ANO1: variants seen among roughly 807,000 people sequenced by gnomAD.
ANO1 encodes anoctamin 1.
ANO1 carries 59 observed loss-of-function variants against 124.0 expected under a neutral mutation model. The ratio of observed to expected loss-of-function variants is 0.48; its 90% CI spans 0.39 to 0.59. The LOEUF (loss-of-function observed/expected upper bound fraction) is 0.59. Among genes scored for constraint, ANO1 ranks in the 20% least tolerant of loss-of-function variants. The pLI is 0.00. For missense variants in ANO1, 1,059 were observed against 1,328.0 expected (o/e 0.80, Z 3.15); for synonymous variants, 529 against 532.0 (o/e 0.99, Z 0.08).
intron 16 of ANO1, among the ~76,000 whole-genome samples, chr11:70,160,310 C>T (rs1449391105): frequency 6.6e-6 from 1 of 152,018 alleles, no homozygotes; most frequent in Non-Finnish European, 1.5e-5. Flanking sequence ...TCGGTCCATC[C>T]ATCCTCAATG....
chr11:70,147,424 C>T (rs1400302211), intron 11 of ANO1, among the ~76,000 whole-genome samples: 1 of 152,180 alleles, frequency 6.6e-6, no homozygotes, highest in Non-Finnish European at 1.5e-5. Flanking sequence ...TTGGGGGCCT[C>T]CTGCTGGGCC....
chr11:70,174,005 G>A (rs577350769), intron 22 of ANO1, among the ~76,000 whole-genome samples: 5 of 150,820 alleles, frequency 3.3e-5, no homozygotes, highest in East Asian at 2.0e-4. Flanking sequence ...GCACAATCTC[G>A]GCTCACTGCA....
intron 11 of ANO1, among the ~76,000 whole-genome samples, chr11:70,141,994 C>G (rs2047172415): frequency 6.6e-6 from 1 of 152,192 alleles, no homozygotes; most frequent in Non-Finnish European, 1.5e-5. Context: ...TTTGCTTCCA[C>G]TGCACCGTGG....
At chr11:70,179,977 T>A in intron 22 of ANO1, 27 bp from the exon 23 acceptor site, 2 of 1,607,544 alleles carry the variant, frequency 1.2e-6, no homozygotes, top group Admixed American at 1.7e-5. Context: ...TAGGGCTCTT[T>A]AAAACTGTGA....
chr11:69,987,181 G>A lies in ANO1; in HGVS notation c.58+1015G>A, dbSNP rs538418027. Among the ~76,000 whole-genome samples, 8 of 152,304 alleles carry A rather than the reference G, an allele frequency of 5.3e-5. No individual in the cohort carries two copies. In the South Asian group the frequency reaches 8.3e-4, roughly 16 times the overall value. On this transcript the variant is annotated intron_variant, in intron 1 of 27. Coordinates refer to the ANO1 transcript ENST00000531349. ...AAAGAGAAAGGGGCCCCTCCAGCCA[G>A]AGCAGGCAAAAAACCTGGGCGCTGA...
At chr11:70,011,832 G>A (rs1856603162) in intron 1 of ANO1, among the ~76,000 whole-genome samples, 1 of 152,208 alleles carries the variant, frequency 6.6e-6, no homozygotes, top group African/African-American at 2.4e-5. Flanking sequence ...CAAAGTCGTT[G>A]TAAATAAGAA....
upstream of ANO1, among the ~76,000 whole-genome samples, chr11:69,983,957 G>A (rs191605423): frequency 6.0e-4 from 92 of 152,100 alleles, no homozygotes; most frequent in Non-Finnish European, 1.2e-3. Flanking sequence ...ATATACAATA[G>A]TCCATCCCTG....
the ANO1 span, among the ~76,000 whole-genome samples, chr11:69,979,920 C>A: frequency 1.3e-5 from 2 of 152,160 alleles, no homozygotes; most frequent in Non-Finnish European, 2.9e-5. Context: ...GTCTCCCTGG[C>A]CAACTGTGCC....
chr11:69,976,537 AAAAAAAAAAAAAAAAAAGAGAG>A, the ANO1 span, among the ~76,000 whole-genome samples: 2 of 54,360 alleles, frequency 3.7e-5, no homozygotes, highest in East Asian at 1.3e-3. Context: ...AAAAAAAAAA[AAAAAAAAAAAAAAAAAAGAGAG>A]AGAGAGAGAG....
intron 1 of ANO1, among the ~76,000 whole-genome samples, chr11:70,002,088 A>G (rs1856392589): frequency 6.6e-6 from 1 of 152,192 alleles, no homozygotes; most frequent in South Asian, 2.1e-4. Flanking sequence ...CTGTGCTATT[A>G]CAATCTTAGG....
intron 1 of ANO1, among the ~76,000 whole-genome samples, chr11:70,046,259 CTT>C (rs1347886027): frequency 6.6e-6 from 1 of 152,092 alleles, no homozygotes; most frequent in African/African-American, 2.4e-5. Context: ...CTCTTGGACT[CTT>C]TTTATTTATT....
chr11:70,069,325 T>C (rs1179038753), intron 1 of ANO1, among the ~76,000 whole-genome samples: 1 of 152,146 alleles, frequency 6.6e-6, no homozygotes, highest in African/African-American at 2.4e-5. Context: ...GACTTCTCCA[T>C]CAAACTGGAA....
rs2135437827 is a variant in ANO1 at position 70,117,560 on chromosome 11, C to A, written c.897+1061C>A. The stretch of plus-strand genomic sequence containing the variant: ...CCACATCCATTTGCTCTTCCCTCCT[C>A]TCCCATGGGCCCACACCCGATACCA... On this transcript the variant is annotated intron_variant, in intron 8 of 25. Transcript: ENST00000355303. Among the ~76,000 whole-genome samples the A allele has an allele frequency of 2.0e-5, 3 of 152,292 alleles. No homozygotes were observed. In the Middle Eastern group the frequency reaches 0.01, roughly 518 times the overall value.
At chr11:70,170,830 C>A (rs568127350) in intron 21 of ANO1, 57 bp from the exon 22 acceptor site, 4 of 1,554,364 alleles carry the variant, frequency 2.6e-6, no homozygotes, top group African/African-American at 1.4e-5. Flanking sequence ...GTGGTGGAGT[C>A]CCCCCTTATG....
chr11:70,157,852 C>T (rs1486604926), intron 16 of ANO1, among the ~76,000 whole-genome samples: 5 of 151,826 alleles, frequency 3.3e-5, no homozygotes, highest in Admixed American at 1.3e-4. Flanking sequence ...TGGTCGTGCG[C>T]GCCTGTGGTC....
intron 7 of ANO1, among the ~76,000 whole-genome samples, chr11:70,116,176 G>A (rs1264470606): frequency 4.6e-5 from 7 of 152,196 alleles, no homozygotes; most frequent in Non-Finnish European, 8.8e-5. Context: ...ACCCGACCGT[G>A]GATCCTCTCC....
At chr11:69,982,813 A>G (rs913484460), upstream of ANO1, among the ~76,000 whole-genome samples, 3 of 152,182 alleles carry the variant, frequency 2.0e-5, no homozygotes, top group Non-Finnish European at 4.4e-5. Context: ...CAACCTGAGA[A>G]AGGGCTCTAC....
At chr11:70,168,074 G>A (rs937550301) in intron 21 of ANO1, among the ~76,000 whole-genome samples, 2 of 152,188 alleles carry the variant, frequency 1.3e-5, no homozygotes, top group Non-Finnish European at 1.5e-5. Context: ...GGAGGATGCC[G>A]AGAGGTGGCA....
chr11:70,169,932 T>G, intron 21 of ANO1: 1 of 314,436 alleles, frequency 3.2e-6, no homozygotes, highest in South Asian at 2.6e-5. Context: ...GAACCAGCTT[T>G]CCTGCTCAGT....
Sources: allele counts gnomAD v4.1 joint callset (sites outside exome capture counted in the v4.1 genomes callset), GRCh38; gene constraint gnomAD v4.1.1; transcripts MANE v1.5; gene names NCBI Gene and HGNC (gene_info 2026-07-23, HGNC 2026-07-21).